Variants in CHL1 observed in about 807,000 individuals in gnomAD.
CHL1 encodes cell adhesion molecule L1 like.
A neutral mutation model predicts 141.9 loss-of-function variants in CHL1; 96 were observed. The observed-to-expected ratio is 0.68, with a 90% CI of 0.57 to 0.80. The LOEUF is 0.80. Among genes scored for constraint, CHL1 ranks in the 30% least tolerant of loss-of-function variants. The pLI is 0.00. For synonymous variants in CHL1, 613 were observed against 502.2 expected (o/e 1.22, Z -2.95); for missense variants, 1,820 against 1,457.2 (o/e 1.25, Z -4.05).
intron 8 of CHL1, among the ~76,000 whole-genome samples, chr3:343,675 A>G (rs1702530817): frequency 6.6e-6 from 1 of 152,178 alleles, no homozygotes; most frequent in South Asian, 2.1e-4. Context: ...TCTCTATAAA[A>G]TGTGGACCAG....
chr3:303,019 G>A (rs1698898574), intron 2 of CHL1, among the ~76,000 whole-genome samples: 2 of 152,028 alleles, frequency 1.3e-5, no homozygotes, highest in South Asian at 2.1e-4. Context: ...CATTGCTAGT[G>A]TGTGTCAGGT....
chr3:382,706 T>A, intron 18 of CHL1, 35 bp downstream of exon 18: 1 of 1,556,208 alleles, frequency 6.4e-7, no homozygotes, highest in Non-Finnish European at 8.9e-7. Context: ...TCTAACAAAA[T>A]ATTTGTTTGT....
intron 9 of CHL1, among the ~76,000 whole-genome samples, chr3:345,451 TTTATTTATTTATTTAA>T (rs935516149): frequency 7.3e-5 from 10 of 137,190 alleles, no homozygotes; most frequent in South Asian, 2.6e-4. Context: ...CATTTATTTA[TTTATTTATTTATTTAA>T]TTATTTATTC....
intron 5 of CHL1, 75 bp from the exon 6 acceptor site, chr3:340,719 G>T (rs753158844): frequency 2.1e-5 from 26 of 1,217,436 alleles, no homozygotes; most frequent in East Asian, 7.7e-5. Context: ...TGAAAAAAAA[G>T]AACATATTAA....
intron 15 of CHL1, among the ~76,000 whole-genome samples, chr3:366,938 C>T (rs557265311): frequency 7.2e-4 from 110 of 152,380 alleles, no homozygotes; most frequent in Non-Finnish European, 1.3e-3. Context: ...TTCAATCTCA[C>T]ATGAGTTTAT....
chr3:225,163 AC>A (rs1173207472), intron 1 of CHL1, among the ~76,000 whole-genome samples: 1 of 152,224 alleles, frequency 6.6e-6, no homozygotes, highest in Non-Finnish European at 1.5e-5. Flanking sequence ...TGTGTTAGGT[AC>A]TTACAGACTA....
rs147750107 is a variant in CHL1 at position 270,427 on chromosome 3, C to T, written c.-95+25735C>T. Among the ~76,000 whole-genome samples, 4 of 152,254 alleles carry T rather than the reference C, an allele frequency of 2.6e-5. No homozygotes were observed. In the East Asian group the frequency reaches 7.7e-4, roughly 29 times the overall value. On this transcript the variant is annotated intron_variant, in intron 2 of 27. Transcript: ENST00000256509. The stretch of plus-strand genomic sequence containing the variant: ...ATAGGTAGCGAGGTTGAAAGGGAGA[C>T]TACAGAGACCTGATTGGTGTTTTTA...
intron 5 of CHL1, among the ~76,000 whole-genome samples, chr3:335,087 A>G (rs1204016263): frequency 6.6e-6 from 1 of 152,230 alleles, no homozygotes; most frequent in Non-Finnish European, 1.5e-5. Context: ...TTGTGTTAAC[A>G]TACTTCCTCA....
At chr3:328,464 A>G (rs551112198) in intron 5 of CHL1, 110 bp downstream of exon 5, 166 of 870,534 alleles carry the variant, frequency 1.9e-4, no homozygotes, top group Middle Eastern at 1.1e-3. Context: ...ATCAACTTAT[A>G]TGTGTCTTGT....
chr3:230,504 T>C (rs1701766967), intron 1 of CHL1, among the ~76,000 whole-genome samples: 1 of 145,292 alleles, frequency 6.9e-6, no homozygotes, highest in South Asian at 2.1e-4. Flanking sequence ...GTATAAACCT[T>C]TTTTTTTTTT....
intron 2 of CHL1, among the ~76,000 whole-genome samples, chr3:288,253 G>A (rs1697349711): frequency 6.6e-6 from 1 of 152,044 alleles, no homozygotes; most frequent in African/African-American, 2.4e-5. Context: ...TCATTAGAAG[G>A]TATTGGTTAA....
intron 1 of CHL1, among the ~76,000 whole-genome samples, chr3:210,029 T>A (rs897218310): frequency 3.3e-5 from 5 of 152,248 alleles, no homozygotes; most frequent in Admixed American, 1.3e-4. Flanking sequence ...ATTCACCATA[T>A]GGCTTAAAAC....
At chr3:202,315 T>C (rs1038228286) in intron 1 of CHL1, among the ~76,000 whole-genome samples, 1 of 152,206 alleles carries the variant, frequency 6.6e-6, no homozygotes, top group Non-Finnish European at 1.5e-5. Flanking sequence ...GGACAGAGCG[T>C]ATGTGTGTGT....
rs1708900950 is a variant in CHL1 at position 399,003 on chromosome 3, T to C, written c.3254-14T>C. 6.2e-7 allele frequency: 1 copy of C among 1,611,826 alleles called. No homozygotes were observed. The highest frequency in any genetic ancestry group is 1.3e-5 in the African/African-American group (1 of 74,880). ...TTCTAGTTTACAATGCTGTGACTTC[T>C]CTTTCTACCACAGAATATGCTGGTT... is the stretch of plus-strand genomic sequence containing the variant. On this transcript the variant is annotated splice_polypyrimidine_tract_variant and intron_variant, in intron 25 of 27. Transcript: ENST00000256509.
chr3:287,770 T>C (rs910481224), intron 2 of CHL1, among the ~76,000 whole-genome samples: 4 of 145,934 alleles, frequency 2.7e-5, no homozygotes, highest in Non-Finnish European at 5.9e-5. Context: ...GTGTCTTTTT[T>C]TGTTTTTTTT....
intron 3 of CHL1, among the ~76,000 whole-genome samples, chr3:322,668 A>AAT (rs1296362841): frequency 7.3e-6 from 1 of 136,342 alleles, no homozygotes; most frequent in South Asian, 2.2e-4. Context: ...ATATATATAT[A>AAT]TAATTATATA....
At chr3:242,450 T>G (rs6768700) in intron 1 of CHL1, among the ~76,000 whole-genome samples, 129,499 of 136,036 alleles carry the variant, frequency 0.95, 61,773 homozygotes, top group East Asian at 1. Context: ...CAAAAAATTA[T>G]CCCGGCGTGG....
At chr3:317,250 C>G (rs139868151) in intron 2 of CHL1, among the ~76,000 whole-genome samples, 1 of 151,888 alleles carries the variant, frequency 6.6e-6, no homozygotes. Flanking sequence ...GCATTTAAAA[C>G]GATTAAAATT....
chr3:342,694 C>A (rs1186667462), intron 7 of CHL1, among the ~76,000 whole-genome samples: 2 of 152,098 alleles, frequency 1.3e-5, no homozygotes, highest in African/African-American at 4.8e-5. Flanking sequence ...ATGATTTTTT[C>A]ATTTTTATGT....
Sources: allele counts gnomAD v4.1 joint callset (sites outside exome capture counted in the v4.1 genomes callset), GRCh38; gene constraint gnomAD v4.1.1; transcripts MANE v1.5; gene names NCBI Gene and HGNC (gene_info 2026-07-23, HGNC 2026-07-21).